The following TMEM181 variants were observed in gnomAD, a reference collection of about 807,000 sequenced individuals.
TMEM181 encodes transmembrane protein 181, also known as G protein-coupled receptor 178.
Under a neutral mutation model 71.9 loss-of-function variants are expected in TMEM181, and 39 were observed. The observed-to-expected ratio is 0.54, with a 90% CI of 0.42 to 0.71. The LOEUF is 0.71. Ranked by LOEUF, TMEM181 falls within the 30% of genes least tolerant of loss-of-function variation. The probability of loss-of-function intolerance (pLI) is 0.00; values close to 1 mark genes in which losing one functional copy is unlikely to be tolerated. For missense variants in TMEM181, 595 were observed against 583.0 expected, an observed-to-expected ratio of 1.02 and a Z score of -0.21; for synonymous variants, 245 against 228.8, an observed-to-expected ratio of 1.07 and a Z score of -0.64.
rs567278267 is a variant in TMEM181, at chr6:158,572,539, GAC to G, written c.9-877_9-876del. 5.8e-4 allele frequency: 265 copies of G among 455,092 alleles called. 3 individuals are homozygous for G. The highest frequency in any genetic ancestry group is 3.3e-3 in the South Asian group (212 of 64,374). The allele number at this position is 455,092 out of a possible 1,614,324, so 28.2% of individuals were successfully genotyped here. A position where few individuals can be genotyped will look rare whatever the true frequency, so the allele number is the denominator to read the frequency against. ...CCCCTTTTGTCGATGGTTTGACTGG[GAC>G]ACAGCCATGCTCGTGCGTCCTGTGC... On this transcript the variant is annotated intron_variant, in intron 1 of 16. Coordinates refer to ENST00000684151, the MANE Select transcript of TMEM181 (RefSeq NM_001376852.1).
rs919114586 is a variant in TMEM181 at position 158,623,564 on chromosome 6, A to G, written c.911A>G (p.His304Arg). Reference sequence around the variant, plus strand: ...TCAATTTTTAGAGTTAACGAATTACATGATCCAATGTACCAGTATCGAGTT... The same window carrying G: ...TCAATTTTTAGAGTTAACGAATTACGTGATCCAATGTACCAGTATCGAGTT... ...LGIWQTVNEL[H>R]DPMYQYRVDT... The change falls in exon 11 of 17, where the codon CAT becomes CGT. Residue 304 changes from histidine to arginine, a missense_variant. By Grantham distance (29) the His-to-Arg change is conservative (BLOSUM62 0). Coordinates refer to ENST00000684151, the MANE Select transcript of TMEM181 (RefSeq NM_001376852.1). 2 of 1,574,878 alleles carry G rather than the reference A, an allele frequency of 1.3e-6. No homozygotes were observed. The highest frequency in any genetic ancestry group is 1.7e-5 in the Admixed American group (1 of 57,350).
intron 1 of TMEM181, among the ~76,000 whole-genome samples, chr6:158,564,934 C>T (rs538145156): frequency 1.3e-5 from 2 of 152,276 alleles, no homozygotes; most frequent in Non-Finnish European, 2.9e-5. Context: ...TGGGAGATGC[C>T]GGCATGAGTT....
intron 6 of TMEM181, among the ~76,000 whole-genome samples, chr6:158,591,518 A>C (rs376725876): frequency 6.6e-6 from 1 of 151,956 alleles, no homozygotes; most frequent in Non-Finnish European, 1.5e-5. Context: ...TAGTCTTCAG[A>C]GAATCCGATT....
intron 6 of TMEM181, among the ~76,000 whole-genome samples, chr6:158,597,540 A>G (rs781293658): frequency 2.0e-5 from 3 of 151,558 alleles, no homozygotes; most frequent in Non-Finnish European, 4.4e-5. Context: ...TTGCTCTGTC[A>G]CTCAATCTAG....
At chr6:158,556,633 A>G (rs1485992688), upstream of TMEM181, among the ~76,000 whole-genome samples, 1 of 152,200 alleles carries the variant, frequency 6.6e-6, no homozygotes, top group Non-Finnish European at 1.5e-5. Context: ...TGTCCTCGCA[A>G]AAGTGTAAGA....
intron 6 of TMEM181, among the ~76,000 whole-genome samples, chr6:158,600,458 A>ATTTTT (rs61457107): frequency 1.1e-5 from 1 of 91,852 alleles, no homozygotes; most frequent in Non-Finnish European, 2.2e-5. Flanking sequence ...CCTAGGGTTA[A>ATTTTT]TTTTTTTTTT....
chr6:158,626,430 GGTT>G (rs1477416410), intron 13 of TMEM181: 1 of 456,568 alleles, frequency 2.2e-6, no homozygotes, highest in Non-Finnish European at 4.4e-6. Context: ...TGCCTTTTTA[GGTT>G]GTTTGGATGG....
chr6:158,582,122 C>T (rs1783518582), intron 3 of TMEM181, among the ~76,000 whole-genome samples: 1 of 152,178 alleles, frequency 6.6e-6, no homozygotes, highest in Non-Finnish European at 1.5e-5. Flanking sequence ...TTTGAAAGGG[C>T]CCTCTGCATA....
chr6:158,590,478 G>T (rs1349032281), intron 6 of TMEM181, among the ~76,000 whole-genome samples: 2 of 151,736 alleles, frequency 1.3e-5, no homozygotes, highest in Non-Finnish European at 2.9e-5. Flanking sequence ...TTGTTTTTGA[G>T]ACAGAGACTC....
intron 1 of TMEM181, among the ~76,000 whole-genome samples, chr6:158,568,784 G>C (rs927229770): frequency 6.6e-6 from 1 of 152,116 alleles, no homozygotes; most frequent in Non-Finnish European, 1.5e-5. Flanking sequence ...CAGCCGCTGT[G>C]GTCACTGAGC....
chr6:158,570,936 T>C (rs569599374), intron 1 of TMEM181, among the ~76,000 whole-genome samples: 4 of 151,486 alleles, frequency 2.6e-5, no homozygotes, highest in Non-Finnish European at 5.9e-5. Flanking sequence ...TTTTTTGAGA[T>C]GGAGTCTCGC....
At chr6:158,536,916 G>A in intron 1 of TMEM181, 1 of 1,243,552 alleles carries the variant, frequency 8.0e-7, no homozygotes, top group Non-Finnish European at 1.0e-6. Flanking sequence ...CCGGGCCGCA[G>A]TCCCCTCCGG....
In TMEM181 at chr6:158,605,252, C is replaced by T. The variant is rs1486575551; in HGVS notation, c.493-15C>T. 1 of 1,609,330 alleles carries T rather than the reference C, an allele frequency of 6.2e-7. No homozygotes were observed. Among genetic ancestry groups the T allele is most frequent in the Non-Finnish European group, 8.5e-7 (1 of 1,176,830 alleles). The stretch of plus-strand genomic sequence containing the variant: ...TATATTTTTTTCAAATTGTTTTCTC[C>T]ACTTTCTATTTTAGTGGAAGACTTA... On this transcript the variant is annotated splice_polypyrimidine_tract_variant and intron_variant, in intron 6 of 16. Transcript: ENST00000684151.
intron 12 of TMEM181, among the ~76,000 whole-genome samples, chr6:158,625,488 T>C (rs1475656828): frequency 6.6e-6 from 1 of 152,086 alleles, no homozygotes; most frequent in Non-Finnish European, 1.5e-5. Context: ...CCTGAATCTG[T>C]CCCCACCAGA....
intron 6 of TMEM181, among the ~76,000 whole-genome samples, chr6:158,593,710 T>TG (rs1376766919): frequency 6.6e-6 from 1 of 152,248 alleles, no homozygotes; most frequent in Non-Finnish European, 1.5e-5. Context: ...GTTGTGAACT[T>TG]TAAACCTCCA....
At position 158,581,683 on chromosome 6, in the gene TMEM181, C is replaced by T. The variant is rs552740403; in HGVS notation, c.168+688C>T. 1.8e-3 allele frequency among the ~76,000 whole-genome samples: 213 copies of T among 119,348 alleles called. 1 individual carries two copies. The highest frequency in any genetic ancestry group is 9.8e-4 in the Non-Finnish European group (61 of 62,154). 78.3% of individuals were successfully genotyped at this position (119,348 alleles called of 152,430 possible). On this transcript the variant is annotated intron_variant, in intron 3 of 16. Coordinates refer to ENST00000684151, the MANE Select transcript of TMEM181 (RefSeq NM_001376852.1). ...AGCAGGAGAATGGTGTGAACCCGGG[C>T]GGGGGAGCTTGCCGTCAGCCAAGAT...
At position 158,631,861 on chromosome 6, in the gene TMEM181, G is replaced by A; in HGVS notation, c.1401G>A (p.Lys467=). ...PLQNGQAIRA[K]YKEESDSD is the part of the protein sequence containing the mutation. Reference sequence around the variant, plus strand: ...AGAACGGCCAGGCCATCCGGGCCAAGTACAAGGAGGAGTCAGATAGTGACT... The same window carrying A: ...AGAACGGCCAGGCCATCCGGGCCAAATACAAGGAGGAGTCAGATAGTGACT... Residue 467 remains lysine (K), a synonymous_variant, in exon 17 of 17, where the codon AAG becomes AAA. Transcript: ENST00000684151. 6.3e-7 allele frequency: 1 copy of A among 1,597,462 alleles called. No individual in the cohort carries two copies. The highest frequency in any genetic ancestry group is 8.5e-7 in the Non-Finnish European group (1 of 1,171,658).
At chr6:158,537,001 T>C (rs1184089659) in intron 1 of TMEM181, 1 of 313,010 alleles carries the variant, frequency 3.2e-6, no homozygotes, top group Non-Finnish European at 4.6e-6. Context: ...AGCCTACGGA[T>C]GGGGACGGGG....
At chr6:158,614,830 T>A (rs563961058) in intron 10 of TMEM181, among the ~76,000 whole-genome samples, 1 of 152,370 alleles carries the variant, frequency 6.6e-6, no homozygotes, top group Non-Finnish European at 1.5e-5. Flanking sequence ...TCCTTTTTTA[T>A]GGCTGCATAG....
Sources: allele counts gnomAD v4.1 joint callset (sites outside exome capture counted in the v4.1 genomes callset), GRCh38; gene constraint gnomAD v4.1.1; transcripts MANE v1.5; gene names NCBI Gene and HGNC (gene_info 2026-07-23, HGNC 2026-07-21).